The following EFCAB5 variants were observed in gnomAD, a reference collection of about 807,000 sequenced individuals.
EFCAB5 encodes the protein EF-hand calcium binding domain 5.
Under a neutral mutation model 167.9 loss-of-function variants are expected in EFCAB5, and 131 were observed. That is an observed-to-expected ratio of 0.78 (90% CI 0.68 to 0.90). The LOEUF is 0.90. Among genes scored for constraint, EFCAB5 ranks in the 40% least tolerant of loss-of-function variants. The pLI is 0.00. For missense variants in EFCAB5, 1,663 were observed against 1,745.2 expected (o/e 0.95, Z 0.84); for synonymous variants, 574 against 602.8 (o/e 0.95, Z 0.70).
intron 12 of EFCAB5, 139 bp from the exon 13 acceptor site, chr17:30,057,537 A>T (rs780012244): frequency 2.9e-6 from 2 of 689,438 alleles, no homozygotes; most frequent in Non-Finnish European, 4.8e-6. Context: ...AGAAAAAAGG[A>T]GGATGCTGTC....
chr17:30,087,026 C>T, intron 18 of EFCAB5, 37 bp from the exon 19 acceptor site: 6 of 1,582,298 alleles, frequency 3.8e-6, no homozygotes, highest in Non-Finnish European at 5.2e-6. Context: ...AATATGAGGT[C>T]TAATTACTCC....
chr17:29,961,822 G>A (rs151064855), intron 3 of EFCAB5, among the ~76,000 whole-genome samples: 48 of 152,166 alleles, frequency 3.2e-4, no homozygotes, highest in African/African-American at 1.0e-3. Flanking sequence ...AAGTCATATC[G>A]TTTACTCTCT....
chr17:30,017,506 A>G (rs1237819262), intron 7 of EFCAB5, among the ~76,000 whole-genome samples: 2 of 152,178 alleles, frequency 1.3e-5, no homozygotes, highest in African/African-American at 2.4e-5. Flanking sequence ...GATTACTTAG[A>G]AAATAAAAAT....
chr17:30,015,108 AGAAT>A (rs1409288099), intron 7 of EFCAB5, among the ~76,000 whole-genome samples: 5 of 152,128 alleles, frequency 3.3e-5, no homozygotes, highest in Admixed American at 3.3e-4. Context: ...CTTTTCTTTA[AGAAT>A]GTTGAATATT....
chr17:29,934,137 T>C (rs1473608000), intron 1 of EFCAB5, among the ~76,000 whole-genome samples: 3 of 152,246 alleles, frequency 2.0e-5, no homozygotes, highest in Non-Finnish European at 4.4e-5. Flanking sequence ...GATTTTATGA[T>C]TGAAATGACG....
chr17:30,029,430 G>T (rs2069419048), intron 7 of EFCAB5, among the ~76,000 whole-genome samples: 1 of 152,106 alleles, frequency 6.6e-6, no homozygotes, highest in Non-Finnish European at 1.5e-5. Context: ...TACTGAAAGT[G>T]AAAAACAGAA....
chr17:30,082,899 T>C lies in EFCAB5; in HGVS notation c.3435T>C (p.Ala1145=). 1 of 1,613,236 alleles carries C rather than the reference T, an allele frequency of 6.2e-7. No individual in the cohort carries two copies. The highest frequency in any genetic ancestry group is 8.5e-7 in the Non-Finnish European group (1 of 1,179,524). ...PHEIRFYQGV[A]NVFSTAYHYV... ...ATTTTCTGTCTCTACAGGGTGTTGC[T>C]AATGTCTTTAGCACTGCCTATCACT... Residue 1145 remains alanine, a synonymous_variant, in exon 18 of 23, where the codon GCT becomes GCC. Transcript: ENST00000394835.
chr17:30,032,499 G>C lies in EFCAB5; in HGVS notation c.1045-1731G>C, dbSNP rs182857981. 2.6e-5 allele frequency among the ~76,000 whole-genome samples: 4 copies of C among 152,258 alleles called. No homozygotes were observed. The East Asian group carries it at 7.7e-4, about 29-fold the overall frequency. ...AATCTCTTTTTCTTCTGGAGAATAG[G>C]AAGTTAAAATCTCCCATGTAAAAGA... is the stretch of plus-strand genomic sequence containing the variant. On this transcript the variant is annotated intron_variant, in intron 7 of 22. Transcript: ENST00000394835.
intron 17 of EFCAB5, 101 bp downstream of exon 17, chr17:30,081,082 T>A: frequency 1.1e-6 from 1 of 869,738 alleles, no homozygotes; most frequent in Non-Finnish European, 1.8e-6. Context: ...AAGCTGTGTA[T>A]ACAGATAACA....
intron 5 of EFCAB5, among the ~76,000 whole-genome samples, chr17:29,994,669 G>A (rs1462377097): frequency 6.6e-6 from 1 of 152,198 alleles, no homozygotes; most frequent in East Asian, 1.9e-4. Context: ...CCAGCACTTT[G>A]GGAGGCTGAG....
At chr17:30,009,789 AG>A (rs924293841) in intron 7 of EFCAB5, among the ~76,000 whole-genome samples, 3 of 151,566 alleles carry the variant, frequency 2.0e-5, no homozygotes, top group African/African-American at 7.3e-5. Context: ...TAACCTTTTG[AG>A]GAACTGCCAG....
At chr17:30,028,478 G>C (rs2069390533) in intron 7 of EFCAB5, among the ~76,000 whole-genome samples, 1 of 152,174 alleles carries the variant, frequency 6.6e-6, no homozygotes, top group Non-Finnish European at 1.5e-5. Flanking sequence ...TGGCGAGGTT[G>C]AGGCAAGTAT....
chr17:30,039,578 A>C (rs1475391876), intron 8 of EFCAB5, among the ~76,000 whole-genome samples: 1 of 152,100 alleles, frequency 6.6e-6, no homozygotes, highest in Non-Finnish European at 1.5e-5. Flanking sequence ...GTACCAAGAT[A>C]CCCCAAGTTG....
intron 3 of EFCAB5, among the ~76,000 whole-genome samples, chr17:29,957,235 G>A (rs2067634054): frequency 6.6e-6 from 1 of 152,030 alleles, no homozygotes; most frequent in Non-Finnish European, 1.5e-5. Context: ...TCATTCTGTT[G>A]ATATGATGTG....
Position 30,053,910 on chromosome 17 carries a change from A to ACAAGGAC in EFCAB5, c.1958_1964dup (p.Tyr656ArgfsTer24). On this transcript the variant is annotated frameshift_variant, in exon 10 of 23. Transcript: ENST00000394835. LOFTEE classifies it high-confidence loss of function. Reference sequence around the variant, plus strand: ...TAGAAGAACCATACCAAAAATCAGAACAAGGACCTTATGGAGAGATAATTT... The same window carrying ACAAGGAC: ...TAGAAGAACCATACCAAAAATCAGAACAAGGACCAAGGACCTTATGGAGAGATAATTT... 6.2e-7 allele frequency: 1 copy of ACAAGGAC among 1,614,048 alleles called. No homozygotes were observed. Among genetic ancestry groups the ACAAGGAC allele is most frequent in the Non-Finnish European group, 8.5e-7 (1 of 1,179,890 alleles).
rs538204959 is a variant in EFCAB5 at position 30,080,084 on chromosome 17, C to T, written c.3040C>T (p.His1014Tyr). The T allele has an allele frequency of 6.2e-6, 10 of 1,607,670 alleles. No individual in the cohort carries two copies. The highest frequency in any genetic ancestry group is 5.1e-5 in the Admixed American group (3 of 58,452). The change falls in exon 16 of 23, where the codon CAT becomes TAT. Residue 1014 changes from histidine (H) to tyrosine (Y), a missense_variant. Physicochemically the swap from His to Tyr is moderately conservative, Grantham distance 83. Coordinates refer to ENST00000394835, the MANE Select transcript of EFCAB5 (RefSeq NM_198529.4). Reference protein sequence around the residue: ...FKALMQDAEAHGNKKISAHIS... With the variant: ...FKALMQDAEAYGNKKISAHIS... The stretch of plus-strand genomic sequence containing the variant: ...CGTTTTGCTGTAGGATGCTGAAGCC[C>T]ATGGAAATAAAAAGATCAGTGCTCA...
rs1447792344 is a variant in EFCAB5 at position 29,952,705 on chromosome 17, TTAGA to T, written c.190+9061_190+9064del. Reference sequence around the variant, plus strand: ...AAAAACAAGAACAATGTTGTATTCCTTAGATAGAATAAAAATAAGTGCATGGAAA... The same window carrying T: ...AAAAACAAGAACAATGTTGTATTCCTTAGAATAAAAATAAGTGCATGGAAA... On this transcript the variant is annotated intron_variant, in intron 3 of 22. Coordinates refer to ENST00000394835, the MANE Select transcript of EFCAB5 (RefSeq NM_198529.4). Among the ~76,000 whole-genome samples, 4 of 152,242 alleles carry T rather than the reference TTAGA, an allele frequency of 2.6e-5. No individual in the cohort carries two copies. In the East Asian group the frequency reaches 5.8e-4, roughly 22 times the overall value.
At chr17:30,106,825 C>T (rs1432702225) in intron 22 of EFCAB5, among the ~76,000 whole-genome samples, 8 of 152,130 alleles carry the variant, frequency 5.3e-5, no homozygotes, top group Non-Finnish European at 1.0e-4. Context: ...CCTCTGGTCC[C>T]AGCTACTTGG....
intron 19 of EFCAB5, among the ~76,000 whole-genome samples, 171 bp downstream of exon 19, chr17:30,087,337 G>T (rs1278990090): frequency 1.3e-5 from 2 of 152,120 alleles, no homozygotes; most frequent in African/African-American, 2.4e-5. Flanking sequence ...AGGACGTGCA[G>T]GTTTGTTACA....
Sources: gnomAD v4.1 joint callset for allele counts (sites outside exome capture counted in the v4.1 genomes callset) on GRCh38, gnomAD v4.1.1 for gene constraint, MANE v1.5 for transcripts, NCBI Gene and HGNC (gene_info 2026-07-23, HGNC 2026-07-21) for gene names.